The following SCAF11 variants were observed in gnomAD, a reference collection of about 807,000 sequenced individuals.
SCAF11 encodes SR-related CTD associated factor 11.
A neutral mutation model predicts 140.5 loss-of-function variants in SCAF11; 47 were observed. The observed-to-expected ratio is 0.33, with a 90% confidence interval of 0.26 to 0.43. The LOEUF is 0.43. SCAF11 is among the 20% of genes least tolerant of loss of function. SCAF11 has a pLI of 1.00. For synonymous variants in SCAF11, 557 were observed against 579.4 expected, an observed-to-expected ratio of 0.96 and a Z score of 0.55; for missense variants, 1,645 against 1,705.1, an observed-to-expected ratio of 0.96 and a Z score of 0.62.
At chr12:45,948,050 A>G (rs1945466283) in intron 5 of SCAF11, among the ~76,000 whole-genome samples, 1 of 152,154 alleles carries the variant, frequency 6.6e-6, no homozygotes, top group Non-Finnish European at 1.5e-5. Context: ...TCAGAAATAA[A>G]CTGAAAAGAA....
rs1013745502 is a variant in SCAF11 at position 45,950,363 on chromosome 12, T to C, written c.297+1287A>G. ...TTAAGAGAATGTGGAAGATATCTCATGTGCCAAGAAATACCTTTTAAGTTA... is the reference window on the plus strand; with the variant it reads ...TTAAGAGAATGTGGAAGATATCTCACGTGCCAAGAAATACCTTTTAAGTTA... On this transcript the variant is annotated intron_variant, in intron 4 of 14. Transcript: ENST00000369367. 3.3e-5 allele frequency among the ~76,000 whole-genome samples: 5 copies of C among 152,216 alleles called. No individual in the cohort carries two copies. In the South Asian group the frequency reaches 1.0e-3, roughly 32 times the overall value.
In SCAF11 at chr12:45,934,511, C is replaced by T. The variant is rs1188845035; in HGVS notation, c.464-6G>A. 1.9e-6 allele frequency: 3 copies of T among 1,560,622 alleles called. No homozygotes were observed. Among genetic ancestry groups the T allele is most frequent in the Admixed American group, 2.1e-5 (1 of 48,364 alleles). Reference sequence around the variant, plus strand: ...TTCACTGTATAAAGAGTTTCCTGTACAAAGACATAAAAGGACTTGGTTACC... The same window carrying T: ...TTCACTGTATAAAGAGTTTCCTGTATAAAGACATAAAAGGACTTGGTTACC... On this transcript the variant is annotated splice_region_variant and splice_polypyrimidine_tract_variant and intron_variant, in intron 6 of 14. Coordinates refer to ENST00000369367, the MANE Select transcript of SCAF11 (RefSeq NM_004719.3).
Position 45,927,822 on chromosome 12 carries a change from C to G in SCAF11, c.1879G>C (p.Val627Leu). The G allele has an allele frequency of 6.2e-7, 1 of 1,614,032 alleles. No individual in the cohort carries two copies. The highest frequency in any genetic ancestry group is 8.5e-7 in the Non-Finnish European group (1 of 1,179,992). ...AGCAATTGAACCTCTGGGCTCTTAACAGATTGTCTGTCCACTGTCTGTATA... is the reference window on the plus strand; with the variant it reads ...AGCAATTGAACCTCTGGGCTCTTAAGAGATTGTCTGTCCACTGTCTGTATA... ...EIIQTVDRQS[V>L]KSPEVQLLGH... The change falls in exon 11 of 15, where the codon GTT (valine) becomes CTT (leucine). Residue 627 changes from valine to leucine, a missense_variant. By Grantham distance (32) the Val-to-Leu change is conservative. This residue lies in a region of SCAF11 where 1,582 missense variants were observed against 1,609.2 expected (regional missense o/e 0.98). Coordinates refer to ENST00000369367, the MANE Select transcript of SCAF11 (RefSeq NM_004719.3).
intron 10 of SCAF11, chr12:45,929,971 A>C (rs1452760088): frequency 6.6e-6 from 1 of 152,096 alleles, no homozygotes; most frequent in East Asian, 1.9e-4. Flanking sequence ...TATTCACCAG[A>C]CTCCTTACTG....
In SCAF11 at chr12:45,964,148, C is replaced by T. The variant is rs1261725652; in HGVS notation, c.20G>A (p.Cys7Tyr). Reference protein sequence around the residue: MKKKTVCTLNMGDKKYE... With the variant: MKKKTVYTLNMGDKKYE... ...CTTCTTATCTCCCATATTTAGGGTA[C>T]ATACAGTTTTCTTCTTCATTTCTCT... The change falls in exon 2 of 15, where the codon TGT (cysteine) becomes TAT (tyrosine). Residue 7 changes from cysteine (C) to tyrosine (Y), a missense_variant. Around this residue, in one of 2 missense-constraint regions of SCAF11, gnomAD observed 1,582 missense variants for 1,609.2 expected, o/e 0.98. Transcript: ENST00000369367. 1.3e-6 allele frequency: 2 copies of T among 1,533,314 alleles called. No homozygotes were observed. Among genetic ancestry groups the T allele is most frequent in the Admixed American group, 1.7e-5 (1 of 57,488 alleles). 95.0% of individuals were successfully genotyped at this position (1,533,314 alleles called of 1,614,324 possible).
At chr12:45,959,496 C>T (rs1012642) in intron 3 of SCAF11, among the ~76,000 whole-genome samples, 59,473 of 152,034 alleles carry the variant, frequency 0.39, 13,419 homozygotes, top group East Asian at 0.52. Flanking sequence ...AGGCTGAAGA[C>T]ACTTATTCCT....
intron 1 of SCAF11, among the ~76,000 whole-genome samples, chr12:45,976,477 T>A (rs967081125): frequency 6.6e-6 from 1 of 152,140 alleles, no homozygotes; most frequent in Non-Finnish European, 1.5e-5. Flanking sequence ...ATGATAGACA[T>A]AGAGTTTGGT....
intron 1 of SCAF11, among the ~76,000 whole-genome samples, chr12:45,972,908 A>ATC (rs1946122525): frequency 1.1e-5 from 1 of 90,268 alleles, no homozygotes; most frequent in African/African-American, 4.9e-5. Context: ...ATATATATAT[A>ATC]GATATATATA....
intron 6 of SCAF11, 123 bp downstream of exon 6, chr12:45,945,126 A>G: frequency 1.5e-6 from 1 of 679,480 alleles, no homozygotes; most frequent in Non-Finnish European, 2.6e-6. Context: ...GATTTAACAC[A>G]ATGTACAGAG....
intron 6 of SCAF11, among the ~76,000 whole-genome samples, chr12:45,935,449 T>C (rs1945149098): frequency 6.6e-6 from 1 of 152,222 alleles, no homozygotes; most frequent in Non-Finnish European, 1.5e-5. Context: ...ATCTAAAAGA[T>C]GATACGCTGA....
chr12:45,961,531 A>C, intron 3 of SCAF11, 169 bp downstream of exon 3: 1 of 621,536 alleles, frequency 1.6e-6, no homozygotes, highest in Non-Finnish European at 2.7e-6. Flanking sequence ...AGCCTGATAA[A>C]AGAAAATTAG....
At chr12:45,947,463 T>C (rs1945449578) in intron 5 of SCAF11, among the ~76,000 whole-genome samples, 1 of 152,234 alleles carries the variant, frequency 6.6e-6, no homozygotes. Context: ...AGCAAGTGCC[T>C]GCTGCAACAC....
At chr12:45,945,334 AG>A in intron 5 of SCAF11, 21 bp from the exon 6 acceptor site, 4 of 1,422,304 alleles carry the variant, frequency 2.8e-6, no homozygotes, top group Non-Finnish European at 2.9e-6. Flanking sequence ...CAATAAAGAC[AG>A]GAAAGAATTA....
intron 12 of SCAF11, among the ~76,000 whole-genome samples, chr12:45,924,234 TCTC>T (rs751602932): frequency 4.0e-4 from 61 of 152,336 alleles, no homozygotes; most frequent in Non-Finnish European, 8.1e-4. Flanking sequence ...CAGAGGCACT[TCTC>T]CTTTCTTTTT....
chr12:45,928,191 CATT>C lies in SCAF11; in HGVS notation c.1507_1509del (p.Asn503del), dbSNP rs548846506. On this transcript the variant is annotated inframe_deletion, in exon 11 of 15. Coordinates refer to ENST00000369367, the MANE Select transcript of SCAF11 (RefSeq NM_004719.3). Reference sequence around the variant, plus strand: ...GAAATCTCACTTTCCAAACACAAAACATTAGCCTCTATACCTGTATTCTCGAGT... The same window carrying C: ...GAAATCTCACTTTCCAAACACAAAACAGCCTCTATACCTGTATTCTCGAGT... 3.5e-5 allele frequency: 57 copies of C among 1,613,976 alleles called. 1 individual carries two copies. The South Asian group carries it at 5.8e-4, about 16-fold the overall frequency.
At chr12:45,990,638 T>C, upstream of SCAF11, 1 of 1,166,934 alleles carries the variant, frequency 8.6e-7, no homozygotes, top group Non-Finnish European at 1.1e-6. Context: ...TCCCTCCTCC[T>C]CCCTTCCCTC....
chr12:45,964,005 A>C, intron 2 of SCAF11, 102 bp downstream of exon 2: 1 of 646,440 alleles, frequency 1.5e-6, no homozygotes, highest in Non-Finnish European at 2.7e-6. Flanking sequence ...AAGAACAACA[A>C]TAACAAAAAA....
At chr12:45,980,859 T>C (rs911352771) in intron 1 of SCAF11, among the ~76,000 whole-genome samples, 2 of 152,086 alleles carry the variant, frequency 1.3e-5, no homozygotes, top group Non-Finnish European at 2.9e-5. Flanking sequence ...AAAATACCTG[T>C]GTTTGGGAGG....
chr12:45,962,397 T>A (rs1055357050), intron 2 of SCAF11, among the ~76,000 whole-genome samples: 1 of 152,206 alleles, frequency 6.6e-6, no homozygotes, highest in Non-Finnish European at 1.5e-5. Flanking sequence ...TTCACATTTT[T>A]AAAAGTATAT....
Sources: allele counts gnomAD v4.1 joint callset (sites outside exome capture counted in the v4.1 genomes callset), GRCh38; gene constraint gnomAD v4.1.1; regional missense constraint gnomAD v4.1.1; transcripts MANE v1.5; gene names NCBI Gene and HGNC (gene_info 2026-07-23, HGNC 2026-07-21).